The following MARCHF8 variants were observed in gnomAD, a reference collection of about 807,000 sequenced individuals.
MARCHF8 encodes the protein E3 ubiquitin-protein ligase MARCHF8.
Under a neutral mutation model 51.6 loss-of-function variants are expected in MARCHF8, and 40 were observed. The ratio of observed to expected loss-of-function variants is 0.77; its 90% CI spans 0.60 to 1.01. The LOEUF is 1.01. MARCHF8 is among the 50% of genes least tolerant of loss of function. The probability of loss-of-function intolerance (pLI) is 0.00; values close to 1 mark genes in which losing one functional copy is unlikely to be tolerated. For synonymous variants in MARCHF8, 263 were observed against 280.3 expected (o/e 0.94, Z 0.62); for missense variants, 685 against 708.6 (o/e 0.97, Z 0.38).
At chr10:45,496,344 A>G (rs1016002597) in intron 2 of MARCHF8, among the ~76,000 whole-genome samples, 3 of 152,174 alleles carry the variant, frequency 2.0e-5, no homozygotes, top group Non-Finnish European at 4.4e-5. Context: ...TAAACCTATA[A>G]CATAAAGAAA....
At chr10:45,514,398 G>C (rs1246107629) in intron 2 of MARCHF8, among the ~76,000 whole-genome samples, 2 of 152,234 alleles carry the variant, frequency 1.3e-5, no homozygotes, top group Non-Finnish European at 2.9e-5. Context: ...CCCGCAACAT[G>C]GTCCCTGTGC....
intron 2 of MARCHF8, among the ~76,000 whole-genome samples, chr10:45,519,408 T>C (rs534185985): frequency 6.6e-6 from 1 of 151,412 alleles, no homozygotes; most frequent in South Asian, 2.1e-4. Context: ...AAGGGAAGGT[T>C]TGGGAAGTCA....
intron 2 of MARCHF8, among the ~76,000 whole-genome samples, chr10:45,528,786 G>T (rs1268267959): frequency 6.6e-6 from 1 of 152,180 alleles, no homozygotes; most frequent in African/African-American, 2.4e-5. Context: ...CTCAACCAAG[G>T]ATGTGAAAGA....
At chr10:45,541,626 C>CTTT (rs1436745946) in intron 1 of MARCHF8, among the ~76,000 whole-genome samples, 3 of 151,818 alleles carry the variant, frequency 2.0e-5, no homozygotes, top group Non-Finnish European at 4.4e-5. Context: ...CTAACAACAA[C>CTTT]AAAAACTATA....
chr10:45,463,680 G>A lies in MARCHF8; in HGVS notation c.559C>T (p.Pro187Ser). ...TTAGTTCTGAGACACGTATCTTGAG[G>A]GAGTATTAATTTCCCTTCAGAACAA... ...RTCSEGKLIL[P>S]QDTCLRTNRF... The change falls in exon 5 of 8, where the codon CCT (proline) becomes TCT (serine). Residue 187 changes from proline to serine, a missense_variant. By Grantham distance (74) the Pro-to-Ser change is moderately conservative (BLOSUM62 -1). Transcript: ENST00000453424. 5 of 1,550,828 alleles carry A rather than the reference G, an allele frequency of 3.2e-6. No homozygotes were observed. The highest frequency in any genetic ancestry group is 4.4e-6 in the Non-Finnish European group (5 of 1,147,046).
intron 2 of MARCHF8, 135 bp from the exon 3 acceptor site, chr10:45,489,552 T>C (rs1230711222): frequency 1.5e-6 from 1 of 670,066 alleles, no homozygotes; most frequent in African/African-American, 1.8e-5. Flanking sequence ...TACTATATAC[T>C]AGATGTATGT....
intron 1 of MARCHF8, among the ~76,000 whole-genome samples, chr10:45,588,998 CAAAAAAAAAA>C (rs72350925): frequency 0.028 from 2,450 of 87,778 alleles, 39 homozygotes; most frequent in Admixed American, 0.042. Context: ...GACTACGTTT[CAAAAAAAAAA>C]AAAAAAAAAA....
chr10:45,524,411 G>A lies in MARCHF8; in HGVS notation c.102+8699C>T, dbSNP rs2043757810. Among the ~76,000 whole-genome samples the A allele has an allele frequency of 2.6e-5, 4 of 152,226 alleles. No individual in the cohort carries two copies. The South Asian group carries it at 8.3e-4, about 32-fold the overall frequency. ...AAGCAGAAGTGAAAGACTCCAGGGA[G>A]CAAGAACAGGTAAACAGGTGACAAA... On this transcript the variant is annotated intron_variant, in intron 2 of 7. Transcript: ENST00000453424.
chr10:45,476,561 C>T (rs138350763), intron 3 of MARCHF8, among the ~76,000 whole-genome samples: 3 of 152,058 alleles, frequency 2.0e-5, no homozygotes, highest in South Asian at 2.1e-4. Context: ...GACCAAGATC[C>T]GGAAGCTCAG....
Position 45,533,341 on chromosome 10 carries a change from T to A in MARCHF8, c.-78-52A>T, listed in dbSNP as rs192870852. The stretch of plus-strand genomic sequence containing the variant: ...CATAACTCAGCTAAAACACTTTAAA[T>A]TTCCAAGAGTGAGCTTAACATTTTA... On this transcript the variant is annotated intron_variant, in intron 1 of 7. Coordinates refer to ENST00000453424, the MANE Select transcript of MARCHF8 (RefSeq NM_001282866.2). 617 of 1,154,040 alleles carry A rather than the reference T, an allele frequency of 5.3e-4. 5 individuals carry two copies. In the African/African-American group the frequency reaches 8.0e-3, roughly 15 times the overall value. The allele number at this position is 1,154,040 out of a possible 1,614,324, so 71.5% of individuals were successfully genotyped here.
intron 3 of MARCHF8, among the ~76,000 whole-genome samples, chr10:45,476,329 C>G (rs1426186745): frequency 1.3e-5 from 2 of 152,132 alleles, no homozygotes; most frequent in African/African-American, 4.8e-5. Context: ...TTTGGGAGCC[C>G]CAGGCATGAG....
intron 6 of MARCHF8, among the ~76,000 whole-genome samples, chr10:45,460,239 G>A (rs1001413803): frequency 7.9e-5 from 12 of 152,084 alleles, no homozygotes; most frequent in African/African-American, 2.7e-4. Context: ...TACAACGCAC[G>A]TAGCTTGACA....
intron 2 of MARCHF8, among the ~76,000 whole-genome samples, chr10:45,525,530 T>TCCA (rs2043777172): frequency 6.6e-6 from 1 of 152,150 alleles, no homozygotes; most frequent in East Asian, 1.9e-4. Context: ...ATGTAAAGAC[T>TCCA]CCACCTTCAA....
chr10:45,584,583 T>TA (rs1345925641), intron 1 of MARCHF8, among the ~76,000 whole-genome samples: 1 of 152,102 alleles, frequency 6.6e-6, no homozygotes, highest in Admixed American at 6.5e-5. Context: ...CAACATTATA[T>TA]ACAGTGGTAG....
intron 3 of MARCHF8, among the ~76,000 whole-genome samples, chr10:45,484,498 C>T (rs531616707): frequency 3.8e-4 from 58 of 152,210 alleles, no homozygotes; most frequent in Non-Finnish European, 7.1e-4. Flanking sequence ...CTTCTCCAAG[C>T]ACCCAGTCAA....
intron 1 of MARCHF8, among the ~76,000 whole-genome samples, chr10:45,581,921 C>T (rs2044560103): frequency 7.0e-6 from 1 of 142,134 alleles, no homozygotes; most frequent in African/African-American, 2.6e-5. Flanking sequence ...AAACTGAGAA[C>T]AGTACTTAGG....
At chr10:45,528,644 T>C (rs538360727) in intron 2 of MARCHF8, among the ~76,000 whole-genome samples, 7 of 152,206 alleles carry the variant, frequency 4.6e-5, no homozygotes, top group Admixed American at 1.3e-4. Context: ...TATTTTTTGT[T>C]GTGAGGAGGA....
rs1477515617 is a variant in MARCHF8, at chr10:45,458,171, A to G, written c.*68T>C. On this transcript the variant is annotated 3_prime_UTR_variant, in exon 8 of 8. Coordinates refer to ENST00000453424, the MANE Select transcript of MARCHF8 (RefSeq NM_001282866.2). Reference sequence around the variant, plus strand: ...CTATTAAAGGACATAAGAAAGGTATACAATTGGCAGTAAACAATTTCCTTC... The same window carrying G: ...CTATTAAAGGACATAAGAAAGGTATGCAATTGGCAGTAAACAATTTCCTTC... The G allele has an allele frequency of 1.5e-5, 22 of 1,463,736 alleles. No individual in the cohort carries two copies. The highest frequency in any genetic ancestry group is 2.8e-5 in the African/African-American group (2 of 70,904). The allele number at this position is 1,463,736 out of a possible 1,614,324, so 90.7% of individuals were successfully genotyped here.
At chr10:45,460,415 T>C (rs1842750191) in intron 6 of MARCHF8, among the ~76,000 whole-genome samples, 1 of 152,210 alleles carries the variant, frequency 6.6e-6, no homozygotes, top group African/African-American at 2.4e-5. Flanking sequence ...TCCCCAGCAC[T>C]CTAGCTCATA....
Sources: allele counts gnomAD v4.1 joint callset (sites outside exome capture counted in the v4.1 genomes callset), GRCh38; gene constraint gnomAD v4.1.1; transcripts MANE v1.5; gene names NCBI Gene and HGNC (gene_info 2026-07-23, HGNC 2026-07-21).